SLC45A2: variants seen among roughly 807,000 people sequenced by gnomAD.
SLC45A2 encodes solute carrier family 45 member 2.
Under a neutral mutation model 45.5 loss-of-function variants are expected in SLC45A2, and 36 were observed. The ratio of observed to expected loss-of-function variants is 0.79; its 90% CI spans 0.61 to 1.04. The LOEUF (loss-of-function observed/expected upper bound fraction) is 1.04. Among genes scored for constraint, SLC45A2 ranks in the 50% least tolerant of loss-of-function variants. The pLI is 0.00. For synonymous variants in SLC45A2, 306 were observed against 269.3 expected, an observed-to-expected ratio of 1.14 and a Z score of -1.33; for missense variants, 719 against 671.0, an observed-to-expected ratio of 1.07 and a Z score of -0.79.
intron 3 of SLC45A2, among the ~76,000 whole-genome samples, chr5:33,960,430 T>C (rs1752417512): frequency 6.6e-6 from 1 of 152,042 alleles, no homozygotes; most frequent in Non-Finnish European, 1.5e-5. Context: ...TACTCAGCCA[T>C]AAAAGGAATG....
At position 33,984,614 on chromosome 5, in the gene SLC45A2, CCA is replaced by C. The variant is rs768462634; in HGVS notation, c.-33_-32del. ...CTGGGAGAGGAACCTTCCTGCGAGC[CCA>C]CCACCTCCTGCGTGGTCCTAGGGTC... On this transcript the variant is annotated 5_prime_UTR_variant, in exon 1 of 7. Transcript: ENST00000296589. The C allele has an allele frequency of 2.5e-6, 4 of 1,604,772 alleles. No homozygotes were observed. The highest frequency in any genetic ancestry group is 3.4e-6 in the Non-Finnish European group (4 of 1,179,948).
At chr5:33,955,688 T>A (rs930570442) in intron 3 of SLC45A2, among the ~76,000 whole-genome samples, 11 of 152,078 alleles carry the variant, frequency 7.2e-5, no homozygotes, top group Admixed American at 4.6e-4. Context: ...GTCTTCAATA[T>A]GTTAATGGAA....
intron 2 of SLC45A2, 95 bp from the exon 3 acceptor site, chr5:33,964,111 A>G (rs1752532723): frequency 8.7e-6 from 11 of 1,267,742 alleles, no homozygotes; most frequent in Non-Finnish European, 2.2e-6. Flanking sequence ...AAACTCCCTG[A>G]AGACAGCAGA....
chr5:33,984,260 G>T lies in SLC45A2; in HGVS notation c.324C>A (p.Thr108=). The change falls in exon 1 of 7, where the codon ACC becomes ACA. Residue 108 remains threonine, a synonymous_variant. Transcript: ENST00000296589. ...RWGRRRPYIL[T]LGVMMLVGMA... is the part of the protein sequence containing the mutation. ...TGCCCACGAGCATCATGACTCCCAG[G>T]GTGAGGATGTAGGGTCTCCGGCGGC... 6.2e-7 allele frequency: 1 copy of T among 1,614,160 alleles called. No individual in the cohort carries two copies. Among genetic ancestry groups the T allele is most frequent in the Non-Finnish European group, 8.5e-7 (1 of 1,180,024 alleles).
chr5:33,946,695 T>C (rs897774634), intron 6 of SLC45A2: 2 of 1,051,648 alleles, frequency 1.9e-6, no homozygotes, highest in African/African-American at 3.4e-5. Flanking sequence ...CCTAGGACTT[T>C]CCTACCCTCA....
chr5:33,954,331 A>G (rs1156280253), intron 4 of SLC45A2, 30 bp downstream of exon 4: 10 of 1,613,806 alleles, frequency 6.2e-6, no homozygotes, highest in Non-Finnish European at 8.5e-6. Context: ...GATGTGTAAC[A>G]GTGATTGTGT....
intron 2 of SLC45A2, among the ~76,000 whole-genome samples, chr5:33,981,416 A>C (rs1411687293): frequency 6.6e-6 from 1 of 151,872 alleles, no homozygotes; most frequent in Non-Finnish European, 1.5e-5. Flanking sequence ...ACATCAAAAC[A>C]TAAATAAAGG....
chr5:33,951,302 C>T, intron 5 of SLC45A2: 1 of 1,005,496 alleles, frequency 9.9e-7, no homozygotes, highest in Non-Finnish European at 1.4e-6. Context: ...CTTTCATTTT[C>T]CAGAGAAACT....
intron 2 of SLC45A2, among the ~76,000 whole-genome samples, chr5:33,980,958 C>T (rs1239387131): frequency 6.6e-6 from 1 of 152,162 alleles, no homozygotes; most frequent in Admixed American, 6.5e-5. Context: ...GAGCTCATGC[C>T]AAACCCTGGG....
At chr5:33,980,240 G>A (rs1443710847) in intron 2 of SLC45A2, among the ~76,000 whole-genome samples, 2 of 147,710 alleles carry the variant, frequency 1.4e-5, no homozygotes, top group Non-Finnish European at 3.0e-5. Flanking sequence ...TGGACTTCAG[G>A]TAAATATTTA....
rs150517037 is a variant in SLC45A2, at chr5:33,977,923, A to G, written c.562+4313T>C. Reference sequence around the variant, plus strand: ...CATCAAGCAGGAAAGTGTCCTGATCACGGCTGGCTTTTAAAAATATGAATC... The same window carrying G: ...CATCAAGCAGGAAAGTGTCCTGATCGCGGCTGGCTTTTAAAAATATGAATC... On this transcript the variant is annotated intron_variant, in intron 2 of 6. Coordinates refer to ENST00000296589, the MANE Select transcript of SLC45A2 (RefSeq NM_016180.5). Among the ~76,000 whole-genome samples the G allele has an allele frequency of 2.8e-3, 431 of 152,326 alleles. 2 individuals carry two copies. The highest frequency in any genetic ancestry group is 1.0e-2 in the African/African-American group (414 of 41,576).
intron 2 of SLC45A2, among the ~76,000 whole-genome samples, chr5:33,969,955 C>T (rs1752731559): frequency 6.6e-6 from 1 of 152,218 alleles, no homozygotes; most frequent in Admixed American, 6.5e-5. Context: ...TTAAAGTTTA[C>T]AGAACTAATA....
chr5:33,982,126 G>C, intron 2 of SLC45A2, 110 bp downstream of exon 2: 1 of 1,237,596 alleles, frequency 8.1e-7, no homozygotes. Flanking sequence ...CAGCCCATCA[G>C]CTGACCCGTT....
At chr5:33,955,447 G>A (rs1472452727) in intron 3 of SLC45A2, among the ~76,000 whole-genome samples, 1 of 152,192 alleles carries the variant, frequency 6.6e-6, no homozygotes. Flanking sequence ...AACTGATGTT[G>A]TTTTAAGCAG....
chr5:33,947,583 C>T (rs190439965), intron 5 of SLC45A2, among the ~76,000 whole-genome samples: 1 of 152,126 alleles, frequency 6.6e-6, no homozygotes, highest in African/African-American at 2.4e-5. Flanking sequence ...CTTGAAATTG[C>T]CTTGGTAGGC....
intron 3 of SLC45A2, among the ~76,000 whole-genome samples, chr5:33,958,917 G>A (rs1188730913): frequency 6.6e-6 from 1 of 152,118 alleles, no homozygotes; most frequent in Non-Finnish European, 1.5e-5. Context: ...CCAGTCTATC[G>A]AAGGGGACAT....
At chr5:33,963,645 G>C (rs184024609) in intron 3 of SLC45A2, 46 bp downstream of exon 3, 48 of 1,557,858 alleles carry the variant, frequency 3.1e-5, no homozygotes, top group Non-Finnish European at 4.1e-5. Flanking sequence ...CAACAACAAA[G>C]AGCAAGAATA....
chr5:33,956,447 T>C (rs568642967), intron 3 of SLC45A2, among the ~76,000 whole-genome samples: 1 of 69,132 alleles, frequency 1.4e-5, no homozygotes, highest in East Asian at 2.0e-4. Context: ...GAAAAGACCA[T>C]GACAACAGTT....
At chr5:33,950,826 T>A (rs191934001) in intron 5 of SLC45A2, among the ~76,000 whole-genome samples, 172 of 152,364 alleles carry the variant, frequency 1.1e-3, no homozygotes, top group African/African-American at 4.0e-3. Context: ...TTAGGAGAAC[T>A]GCATACATTT....
Sources: gnomAD v4.1 joint callset for allele counts (sites outside exome capture counted in the v4.1 genomes callset) on GRCh38, gnomAD v4.1.1 for gene constraint, MANE v1.5 for transcripts, NCBI Gene and HGNC (gene_info 2026-07-23, HGNC 2026-07-21) for gene names.